Variants in UGT2A1 observed in about 807,000 individuals in gnomAD.
UGT2A1 encodes the protein UDP-glucuronosyltransferase 2A1.
UGT2A1 carries 61 observed loss-of-function variants against 45.4 expected under a neutral mutation model. That is an observed-to-expected ratio of 1.34 (90% CI 1.09 to 1.66). The LOEUF (loss-of-function observed/expected upper bound fraction) is 1.66, where lower values mean the gene tolerates loss of function less well. UGT2A1 is among the 40% of genes most tolerant of loss of function. The pLI is 0.00. For missense variants in UGT2A1, 649 were observed against 574.3 expected (o/e 1.13, Z -1.33); for synonymous variants, 229 against 196.2 (o/e 1.17, Z -1.40).
intron 2 of UGT2A1, chr4:69,639,247 T>C (rs745503070): frequency 4.3e-6 from 7 of 1,613,706 alleles, no homozygotes; most frequent in Admixed American, 1.7e-5. Flanking sequence ...CAGAGTTGTA[T>C]GTTAATTTGA....
chr4:69,610,670 T>A (rs1324118678), intron 3 of UGT2A1, among the ~76,000 whole-genome samples: 1 of 152,172 alleles, frequency 6.6e-6, no homozygotes, highest in Non-Finnish European at 1.5e-5. Context: ...CCATTATGAC[T>A]AGTGTCCTTC....
chr4:69,613,033 G>A (rs1455013079), intron 3 of UGT2A1, among the ~76,000 whole-genome samples: 1 of 142,202 alleles, frequency 7.0e-6, no homozygotes, highest in Admixed American at 7.1e-5. Flanking sequence ...AGGTCAACAA[G>A]CAAAAAACAA....
In UGT2A1 at chr4:69,595,173, T is replaced by C. The variant is rs1464651304; in HGVS notation, c.1073A>G (p.Asn358Ser). The C allele has an allele frequency of 3.1e-6, 5 of 1,613,844 alleles. No individual in the cohort carries two copies. The highest frequency in any genetic ancestry group is 4.2e-6 in the Non-Finnish European group (5 of 1,179,848). Residue 358 changes from asparagine (N) to serine (S), a missense_variant, in exon 5 of 7, where the codon AAT becomes AGT. By Grantham distance (46) the Asn-to-Ser change is conservative. Coordinates refer to ENST00000286604, the MANE Select transcript of UGT2A1 (RefSeq NM_001252275.3). Reference sequence around the variant, plus strand: ...CCCCACAGTCTTACCAAGAAGATCATTCTGGGGTATCCAATCAAAGAGCTG... The same window carrying C: ...CCCCACAGTCTTACCAAGAAGATCACTCTGGGGTATCCAATCAAAGAGCTG... ...NTQLFDWIPQ[N>S]DLLGHPKTKA...
chr4:69,614,118 C>CTGAATGGGTTT (rs373359634), intron 3 of UGT2A1, among the ~76,000 whole-genome samples: 38,044 of 151,602 alleles, frequency 0.25, 5,145 homozygotes, highest in African/African-American at 0.35. Flanking sequence ...CTGATAAACC[C>CTGAATGGGTTT]ATTCAGTAGT....
At chr4:69,649,165 A>G (rs1722409875) in intron 1 of UGT2A1, among the ~76,000 whole-genome samples, 1 of 152,158 alleles carries the variant, frequency 6.6e-6, no homozygotes, top group South Asian at 2.1e-4. Flanking sequence ...TATCATAAAA[A>G]TGTCTCTTCT....
At chr4:69,639,721 C>A (rs950218965) in intron 2 of UGT2A1, 7 of 1,349,470 alleles carry the variant, frequency 5.2e-6, no homozygotes, top group African/African-American at 3.0e-5. Flanking sequence ...ATATTTAGTG[C>A]GATGGTTACA....
At chr4:69,612,228 T>G (rs964563663) in intron 3 of UGT2A1, among the ~76,000 whole-genome samples, 2 of 151,910 alleles carry the variant, frequency 1.3e-5, no homozygotes, top group African/African-American at 4.8e-5. Flanking sequence ...AATATTAGAA[T>G]TATTTGAAAT....
intron 3 of UGT2A1, among the ~76,000 whole-genome samples, chr4:69,633,578 T>C (rs531180081): frequency 6.6e-6 from 1 of 152,268 alleles, no homozygotes; most frequent in South Asian, 2.1e-4. Flanking sequence ...ATAAATAAAA[T>C]GTGATACATT....
At chr4:69,627,395 G>T (rs1039558229) in intron 3 of UGT2A1, among the ~76,000 whole-genome samples, 1 of 151,612 alleles carries the variant, frequency 6.6e-6, no homozygotes, top group African/African-American at 2.4e-5. Context: ...AGATTCATAT[G>T]ATTTTATGCA....
intron 2 of UGT2A1, chr4:69,639,027 G>T: frequency 1.2e-6 from 2 of 1,613,218 alleles, no homozygotes; most frequent in South Asian, 1.1e-5. Context: ...CTCTGATAAG[G>T]CTGCCGGTAC....
intron 2 of UGT2A1, chr4:69,639,178 C>T (rs1721904339): frequency 1.9e-6 from 3 of 1,613,718 alleles, no homozygotes; most frequent in Non-Finnish European, 2.5e-6. Flanking sequence ...GCTACCAACA[C>T]ATCAAAACCA....
At chr4:69,635,646 A>G (rs1035507247) in intron 3 of UGT2A1, 45 bp downstream of exon 3, 3 of 206,554 alleles carry the variant, frequency 1.5e-5, no homozygotes, top group Non-Finnish European at 3.1e-5. Flanking sequence ...CCTCGCCAAC[A>G]TGGTGAAACC....
At chr4:69,630,798 G>A (rs1369940821) in intron 3 of UGT2A1, among the ~76,000 whole-genome samples, 2 of 151,954 alleles carry the variant, frequency 1.3e-5, no homozygotes, top group East Asian at 3.9e-4. Flanking sequence ...TACCGCTGGA[G>A]GAATTCCTGA....
rs1378480218 is a variant in UGT2A1, at chr4:69,632,829, A to C, written c.847+2862T>G. ...CTTGAACCCAGGAGGCGGGGGTTGCAGTGAGCCGAGATTGCGCCATTGCAA... is the reference window on the plus strand; with the variant it reads ...CTTGAACCCAGGAGGCGGGGGTTGCCGTGAGCCGAGATTGCGCCATTGCAA... On this transcript the variant is annotated intron_variant, in intron 3 of 6. Coordinates refer to ENST00000286604, the MANE Select transcript of UGT2A1 (RefSeq NM_001252275.3). Among the ~76,000 whole-genome samples, 4 of 151,584 alleles carry C rather than the reference A, an allele frequency of 2.6e-5. No homozygotes were observed. In the South Asian group the frequency reaches 6.3e-4, roughly 24 times the overall value.
At chr4:69,618,221 T>TG (rs1720530663) in intron 3 of UGT2A1, among the ~76,000 whole-genome samples, 16 of 144,726 alleles carry the variant, frequency 1.1e-4, no homozygotes, top group African/African-American at 3.1e-4. Flanking sequence ...GTGTGTATGT[T>TG]TGTGTGTGTG....
At chr4:69,621,754 AT>A (rs1386055064) in intron 3 of UGT2A1, among the ~76,000 whole-genome samples, 8 of 151,996 alleles carry the variant, frequency 5.3e-5, no homozygotes, top group Admixed American at 4.6e-4. Context: ...GTCAACCTAA[AT>A]GCCTATCAAC....
chr4:69,646,862 TAAAG>T, intron 2 of UGT2A1, 64 bp downstream of exon 2: 1 of 1,120,080 alleles, frequency 8.9e-7, no homozygotes, highest in Non-Finnish European at 1.3e-6. Flanking sequence ...CATAGGGAAA[TAAAG>T]AAGAGGCTCT....
chr4:69,610,896 A>G (rs1196980250), intron 3 of UGT2A1, among the ~76,000 whole-genome samples: 1 of 152,150 alleles, frequency 6.6e-6, no homozygotes, highest in Non-Finnish European at 1.5e-5. Context: ...ACTGGTTAGG[A>G]AGTTAAATTA....
chr4:69,592,362 C>A (rs748351838), intron 6 of UGT2A1, among the ~76,000 whole-genome samples: 2 of 151,888 alleles, frequency 1.3e-5, no homozygotes, highest in Non-Finnish European at 2.9e-5. Flanking sequence ...AAATAACAGC[C>A]TGATAACCAC....
Sources: allele counts gnomAD v4.1 joint callset (sites outside exome capture counted in the v4.1 genomes callset), GRCh38; gene constraint gnomAD v4.1.1; transcripts MANE v1.5; gene names NCBI Gene and HGNC (gene_info 2026-07-23, HGNC 2026-07-21).